The following GOLM2 variants were observed in gnomAD, a reference collection of about 807,000 sequenced individuals.
GOLM2 encodes protein GOLM2.
In GOLM2, 26 loss-of-function variants were observed where a neutral mutation model predicts 55.9. That is an observed-to-expected ratio of 0.47 (90% CI 0.34 to 0.65). The LOEUF (loss-of-function observed/expected upper bound fraction) is 0.65. Ranked by LOEUF, GOLM2 falls within the 30% of genes least tolerant of loss-of-function variation. The pLI is 0.01. For synonymous variants in GOLM2, 165 were observed against 194.6 expected (o/e 0.85, Z 1.27); for missense variants, 486 against 531.8 (o/e 0.91, Z 0.85).
intron 1 of GOLM2, among the ~76,000 whole-genome samples, chr15:44,306,072 CAGG>C (rs777737782): frequency 6.6e-5 from 10 of 152,310 alleles, no homozygotes; most frequent in African/African-American, 9.6e-5. Flanking sequence ...CTGTCCCTAA[CAGG>C]AGAATCAGCC....
chr15:44,314,039 C>T (rs548393568), intron 1 of GOLM2, among the ~76,000 whole-genome samples: 9 of 151,980 alleles, frequency 5.9e-5, no homozygotes, highest in Non-Finnish European at 1.0e-4. Context: ...AGATTGAGAC[C>T]ATCTTGGCTA....
At chr15:44,320,323 G>C (rs2078940401) in intron 1 of GOLM2, among the ~76,000 whole-genome samples, 1 of 151,866 alleles carries the variant, frequency 6.6e-6, no homozygotes, top group Admixed American at 6.6e-5. Context: ...TTTTGAGATA[G>C]GGTCTTGCTC....
chr15:44,373,289 C>T (rs1270898458), intron 6 of GOLM2, among the ~76,000 whole-genome samples: 1 of 151,570 alleles, frequency 6.6e-6, no homozygotes, highest in African/African-American at 2.4e-5. Flanking sequence ...AACCCCGTCT[C>T]TACTAAAAAT....
intron 6 of GOLM2, among the ~76,000 whole-genome samples, chr15:44,351,693 A>G (rs148037008): frequency 0.019 from 2,823 of 152,052 alleles, 93 homozygotes; most frequent in African/African-American, 0.065. Context: ...TAAAGACTCC[A>G]CCAAAAAACT....
intron 8 of GOLM2, among the ~76,000 whole-genome samples, chr15:44,402,284 T>C (rs2079570587): frequency 1.3e-5 from 2 of 152,088 alleles, no homozygotes; most frequent in Admixed American, 1.3e-4. Flanking sequence ...TTTAAACCAC[T>C]AGGGATTCTG....
intron 9 of GOLM2, among the ~76,000 whole-genome samples, chr15:44,404,182 G>A (rs2079583422): frequency 6.6e-6 from 1 of 152,046 alleles, no homozygotes; most frequent in African/African-American, 2.4e-5. Flanking sequence ...TGTGATACAT[G>A]GAAATTTTTC....
intron 1 of GOLM2, among the ~76,000 whole-genome samples, chr15:44,291,812 C>T (rs1229234298): frequency 6.6e-6 from 1 of 152,106 alleles, no homozygotes; most frequent in Non-Finnish European, 1.5e-5. Context: ...AACAGAATAC[C>T]CTTCTTGTAA....
intron 6 of GOLM2, among the ~76,000 whole-genome samples, chr15:44,356,397 A>G (rs1265690206): frequency 6.6e-6 from 1 of 152,214 alleles, no homozygotes; most frequent in Non-Finnish European, 1.5e-5. Flanking sequence ...AAAGAGGGTT[A>G]TCACTACAGA....
chr15:44,356,377 G>A (rs1373763879), intron 6 of GOLM2, among the ~76,000 whole-genome samples: 4 of 152,110 alleles, frequency 2.6e-5, no homozygotes, highest in African/African-American at 9.7e-5. Context: ...GATTACTTCT[G>A]TCAGAAATGA....
rs530306718 is a variant in GOLM2 at position 44,288,896 on chromosome 15, A to T, written c.-134A>T. On this transcript the variant is annotated 5_prime_UTR_variant, in exon 1 of 10. Transcript: ENST00000299957. ...GGCCCCGCCCCCTTCTCCGGCTCGCAGCCGACCGGTAAGCCCGCCTCCTCC... is the reference window on the plus strand; with the variant it reads ...GGCCCCGCCCCCTTCTCCGGCTCGCTGCCGACCGGTAAGCCCGCCTCCTCC... The T allele has an allele frequency of 6.4e-4, 497 of 772,254 alleles. 6 individuals are homozygous for T. In the South Asian group the frequency reaches 7.7e-3, roughly 12 times the overall value. The allele number at this position is 772,254 out of a possible 1,614,324, so 47.8% of individuals were successfully genotyped here. A position where few individuals can be genotyped will look rare whatever the true frequency, so the allele number is the denominator to read the frequency against.
chr15:44,369,959 C>G (rs2079319290), intron 6 of GOLM2, among the ~76,000 whole-genome samples: 1 of 152,056 alleles, frequency 6.6e-6, no homozygotes, highest in Non-Finnish European at 1.5e-5. Flanking sequence ...GCTTGAGGAG[C>G]AAGGAGAGCC....
At chr15:44,304,230 CTTTTTT>C (rs895623812) in intron 1 of GOLM2, among the ~76,000 whole-genome samples, 2 of 82,926 alleles carry the variant, frequency 2.4e-5, no homozygotes, top group South Asian at 8.8e-4. Context: ...GGCTCCACTT[CTTTTTT>C]TTTTTTTTTT....
In GOLM2 at chr15:44,393,714, A is replaced by G. The variant is rs372687002; in HGVS notation, c.1073-9173A>G. On this transcript the variant is annotated intron_variant, in intron 8 of 9. Coordinates refer to ENST00000299957, the MANE Select transcript of GOLM2 (RefSeq NM_138423.4). Reference sequence around the variant, plus strand: ...CAGCTCACTGCAGCCTCTGCCTCCCACATTCAAGCGTTTGTCGCCCAGGCT... The same window carrying G: ...CAGCTCACTGCAGCCTCTGCCTCCCGCATTCAAGCGTTTGTCGCCCAGGCT... 2.4e-4 allele frequency among the ~76,000 whole-genome samples: 36 copies of G among 152,144 alleles called. No individual in the cohort carries two copies. In the East Asian group the frequency reaches 2.5e-3, roughly 11 times the overall value.
chr15:44,308,955 T>G (rs1221561667), intron 1 of GOLM2, among the ~76,000 whole-genome samples: 1 of 152,164 alleles, frequency 6.6e-6, no homozygotes, highest in Admixed American at 6.5e-5. Context: ...AACAACCTGT[T>G]TTAAAAATGG....
At chr15:44,305,365 T>A (rs904374996) in intron 1 of GOLM2, among the ~76,000 whole-genome samples, 2 of 151,620 alleles carry the variant, frequency 1.3e-5, no homozygotes, top group African/African-American at 2.4e-5. Flanking sequence ...AGTGGTGCGA[T>A]CTCGGCTCAC....
intron 3 of GOLM2, among the ~76,000 whole-genome samples, chr15:44,331,641 G>T (rs1221359955): frequency 6.6e-6 from 1 of 151,862 alleles, no homozygotes; most frequent in East Asian, 1.9e-4. Context: ...CTATAAATTG[G>T]TCTCACAGTT....
At position 44,289,297 on chromosome 15, in the gene GOLM2, C is replaced by A; in HGVS notation, c.268C>A (p.Arg90Ser). ...QIDQKEADYG[R>S]LSSRLQAREG... is the part of the protein sequence containing the mutation. ...CGACCAGAAGGAGGCCGACTACGGC[C>A]GCCTCAGCAGCCGGCTGCAGGCCAG... Residue 90 changes from arginine (R) to serine (S), a missense_variant, in exon 1 of 10, where the codon CGC becomes AGC. Coordinates refer to ENST00000299957, the MANE Select transcript of GOLM2 (RefSeq NM_138423.4). This position sits in a 1 kb window ranked among gnomAD's most constrained non-coding sequence, Gnocchi z 4.8. 1 of 1,613,618 alleles carries A rather than the reference C, an allele frequency of 6.2e-7. No individual in the cohort carries two copies. Among genetic ancestry groups the A allele is most frequent in the Middle Eastern group, 1.7e-4 (1 of 6,058 alleles).
chr15:44,373,438 C>T (rs1205573342), intron 6 of GOLM2, among the ~76,000 whole-genome samples: 1 of 149,536 alleles, frequency 6.7e-6, no homozygotes, highest in Non-Finnish European at 1.5e-5. Context: ...GCCTGGGCGA[C>T]AGAGCGAGAC....
At chr15:44,336,573 A>G (rs549535743) in intron 4 of GOLM2, among the ~76,000 whole-genome samples, 5 of 152,150 alleles carry the variant, frequency 3.3e-5, no homozygotes, top group African/African-American at 1.2e-4. Flanking sequence ...GAATACCTAC[A>G]CCTAATTGTC....
Sources: allele counts gnomAD v4.1 joint callset (sites outside exome capture counted in the v4.1 genomes callset), GRCh38; gene constraint gnomAD v4.1.1; non-coding constraint Gnocchi (gnomAD v3.1); transcripts MANE v1.5; gene names NCBI Gene and HGNC (gene_info 2026-07-23, HGNC 2026-07-21).